Variants in NEGR1 observed in about 807,000 individuals in gnomAD.
The protein encoded by NEGR1 is neuronal growth regulator 1, also known as IgLON family member 4.
NEGR1 carries 10 observed loss-of-function variants against 40.9 expected under a neutral mutation model. The observed-to-expected ratio is 0.24, with a 90% CI of 0.15 to 0.42. The LOEUF (loss-of-function observed/expected upper bound fraction) is 0.42. Ranked by LOEUF, NEGR1 falls within the 10% of genes least tolerant of loss-of-function variation. The probability of loss-of-function intolerance (pLI) is 1.00; values close to 1 mark genes in which losing one functional copy is unlikely to be tolerated. For missense variants in NEGR1, 352 were observed against 438.9 expected, an observed-to-expected ratio of 0.80 and a Z score of 1.77; for synonymous variants, 185 against 166.8, an observed-to-expected ratio of 1.11 and a Z score of -0.84.
chr1:71,410,723 G>T (rs12405821), intron 6 of NEGR1, among the ~76,000 whole-genome samples: 10,373 of 152,162 alleles, frequency 0.068, 391 homozygotes, highest in African/African-American at 0.099. Flanking sequence ...CATTTATTAT[G>T]TGTGGTTTGT....
chr1:71,416,272 A>C (rs1646354821), intron 6 of NEGR1, among the ~76,000 whole-genome samples: 1 of 152,140 alleles, frequency 6.6e-6, no homozygotes, highest in Non-Finnish European at 1.5e-5. Context: ...AGGGTGTCTA[A>C]ACTTGGAGTT....
intron 6 of NEGR1, among the ~76,000 whole-genome samples, chr1:71,565,074 A>T (rs539669697): frequency 1.3e-5 from 2 of 152,222 alleles, no homozygotes; most frequent in East Asian, 3.9e-4. Flanking sequence ...TTCCCAAACC[A>T]ATCAAAGGCC....
intron 1 of NEGR1, among the ~76,000 whole-genome samples, chr1:72,142,563 A>ATAGT (rs1650726943): frequency 6.6e-6 from 1 of 151,566 alleles, no homozygotes; most frequent in Non-Finnish European, 1.5e-5. Flanking sequence ...AGATAGATAG[A>ATAGT]TAGACAGATA....
chr1:71,858,863 T>A (rs1352328956), intron 2 of NEGR1, among the ~76,000 whole-genome samples: 3 of 152,058 alleles, frequency 2.0e-5, no homozygotes, highest in African/African-American at 7.2e-5. Context: ...TTTTTGTGGT[T>A]TTTTAAAACC....
intron 1 of NEGR1, among the ~76,000 whole-genome samples, chr1:72,231,669 A>T (rs1654369940): frequency 2.6e-5 from 4 of 152,126 alleles, no homozygotes; most frequent in Admixed American, 2.6e-4. Flanking sequence ...CTTTATAATA[A>T]TTTTGTTCAT....
At chr1:72,124,413 A>T (rs1236846300) in intron 1 of NEGR1, among the ~76,000 whole-genome samples, 2 of 151,956 alleles carry the variant, frequency 1.3e-5, no homozygotes, top group Non-Finnish European at 2.9e-5. Flanking sequence ...AGCAAAACCT[A>T]AGATATTAAG....
At chr1:71,642,069 G>C (rs1258713374) in intron 4 of NEGR1, among the ~76,000 whole-genome samples, 1 of 151,892 alleles carries the variant, frequency 6.6e-6, no homozygotes, top group African/African-American at 2.4e-5. Context: ...CAGAGTTTCT[G>C]GCCTCTATAC....
intron 1 of NEGR1, among the ~76,000 whole-genome samples, chr1:72,031,641 T>C (rs910010839): frequency 7.9e-5 from 12 of 152,082 alleles, no homozygotes; most frequent in Admixed American, 3.9e-4. Context: ...GGTTGAAAAA[T>C]ATCTCATGTG....
chr1:72,139,536 GATGAA>G (rs1650594164), intron 1 of NEGR1, among the ~76,000 whole-genome samples: 1 of 152,010 alleles, frequency 6.6e-6, no homozygotes. Context: ...TAACAAGTTT[GATGAA>G]ATGAATTAAC....
chr1:71,585,228 C>T (rs1277222992), intron 6 of NEGR1, among the ~76,000 whole-genome samples: 2 of 152,074 alleles, frequency 1.3e-5, no homozygotes, highest in African/African-American at 2.4e-5. Flanking sequence ...TAAAAAATAA[C>T]AATCAATCAA....
chr1:71,609,286 C>A (rs1047770056), intron 5 of NEGR1, among the ~76,000 whole-genome samples: 2 of 151,372 alleles, frequency 1.3e-5, no homozygotes, highest in Non-Finnish European at 2.9e-5. Flanking sequence ...GAGGCCGAGG[C>A]GGGTGGATCA....
chr1:72,022,290 TATATATATATAC>T lies in NEGR1; in HGVS notation c.177-86991_177-86980del, dbSNP rs1452797365. 9.8e-5 allele frequency among the ~76,000 whole-genome samples: 9 copies of T among 91,758 alleles called. No individual in the cohort carries two copies. In the East Asian group the frequency reaches 3.8e-3, roughly 39 times the overall value. The allele number at this position is 91,758 out of a possible 152,430, so 60.2% of individuals were successfully genotyped here. A position where few individuals can be genotyped will look rare whatever the true frequency, so the allele number is the denominator to read the frequency against. ...ATATATATATATATATATATATATA[TATATATATATAC>T]ACGAATATCCTAAAGCAAACAATCC... On this transcript the variant is annotated intron_variant, in intron 1 of 6. Transcript: ENST00000357731.
intron 5 of NEGR1, among the ~76,000 whole-genome samples, chr1:71,610,253 C>A (rs915355709): frequency 6.6e-6 from 1 of 152,192 alleles, no homozygotes; most frequent in African/African-American, 2.4e-5. Context: ...TTTAACCTAG[C>A]ATTTGCTTGA....
At chr1:71,771,062 C>T (rs536841634) in intron 3 of NEGR1, among the ~76,000 whole-genome samples, 1 of 152,162 alleles carries the variant, frequency 6.6e-6, no homozygotes, top group South Asian at 2.1e-4. Context: ...AAATGCCCAT[C>T]AATGATAGAC....
intron 1 of NEGR1, among the ~76,000 whole-genome samples, chr1:72,040,886 A>C (rs1285918134): frequency 6.6e-6 from 1 of 151,964 alleles, no homozygotes; most frequent in Non-Finnish European, 1.5e-5. Context: ...AATCTTCAAC[A>C]TTCCTCTGTC....
intron 1 of NEGR1, among the ~76,000 whole-genome samples, chr1:72,199,158 G>C (rs982544552): frequency 4.1e-5 from 6 of 146,244 alleles, no homozygotes; most frequent in Middle Eastern, 6.8e-3. Flanking sequence ...GACAGAGAGA[G>C]AGAGAGAGAG....
chr1:71,964,222 C>T (rs1215502823), intron 1 of NEGR1, among the ~76,000 whole-genome samples: 1 of 152,134 alleles, frequency 6.6e-6, no homozygotes. Context: ...GGCCTTGACA[C>T]CCCCATCGAA....
At chr1:71,510,472 G>A (rs372145452) in intron 6 of NEGR1, among the ~76,000 whole-genome samples, 3 of 152,114 alleles carry the variant, frequency 2.0e-5, no homozygotes, top group East Asian at 1.9e-4. Flanking sequence ...AATGCCAGCC[G>A]GCCTACAAAT....
At chr1:71,444,662 T>C (rs113457170) in intron 6 of NEGR1, among the ~76,000 whole-genome samples, 1 of 152,148 alleles carries the variant, frequency 6.6e-6, no homozygotes, top group Non-Finnish European at 1.5e-5. Context: ...GTTAAATCTT[T>C]GCAGCAAAGT....
Sources: gnomAD v4.1 joint callset for allele counts (sites outside exome capture counted in the v4.1 genomes callset) on GRCh38, gnomAD v4.1.1 for gene constraint, MANE v1.5 for transcripts, NCBI Gene and HGNC (gene_info 2026-07-23, HGNC 2026-07-21) for gene names.